The following NUP214 variants were observed in gnomAD, a reference collection of about 807,000 sequenced individuals.
The protein encoded by NUP214 is nuclear pore complex protein Nup214.
Under a neutral mutation model 196.2 loss-of-function variants are expected in NUP214, and 79 were observed. The observed-to-expected ratio is 0.40, with a 90% CI of 0.34 to 0.49. The LOEUF is 0.49. Among genes scored for constraint, NUP214 ranks in the 20% least tolerant of loss-of-function variants. The pLI is 0.58. For synonymous variants in NUP214, 1,020 were observed against 990.5 expected, an observed-to-expected ratio of 1.03 and a Z score of -0.56; for missense variants, 2,468 against 2,539.0, an observed-to-expected ratio of 0.97 and a Z score of 0.60.
Position 131,198,859 on chromosome 9 carries a change from T to C in NUP214, c.5365T>C (p.Ser1789Pro). The C allele has an allele frequency of 6.2e-7, 1 of 1,614,144 alleles. No homozygotes were observed. Residue 1789 changes from serine (S) to proline (P), a missense_variant, in exon 29 of 36, where the codon TCT becomes CCT. Around this residue, in one of 5 missense-constraint regions of NUP214, gnomAD observed 1,801 missense variants for 1,779.4 expected, o/e 1.01. Coordinates refer to ENST00000359428, the MANE Select transcript of NUP214 (RefSeq NM_005085.4). ...CTCCAGTTCCTTCTCATTTGGACAG[T>C]CTTCTCCCAACACAGGAGGGGGGCT... ...SSSSSFSFGQ[S>P]SPNTGGGLFG...
chr9:131,153,650 T>TA lies in NUP214; in HGVS notation c.2436+1758dup, dbSNP rs531162997. On this transcript the variant is annotated intron_variant, in intron 17 of 35. Transcript: ENST00000359428. ...GAATAATTTTCTTTTTTCATGGTGC[T>TA]AAGTAGATAATACTAGTTAGCATGT... Among the ~76,000 whole-genome samples the TA allele has an allele frequency of 1.6e-4, 24 of 152,344 alleles. No individual in the cohort carries two copies. The South Asian group carries it at 4.1e-3, about 26-fold the overall frequency.
At chr9:131,127,472 G>A (rs1831397603) in intron 1 of NUP214, 52 bp from the exon 2 acceptor site, 1 of 1,459,106 alleles carries the variant, frequency 6.9e-7, no homozygotes. Flanking sequence ...AATATAACAT[G>A]TTTTAATTTC....
chr9:131,171,547 C>CT lies in NUP214; in HGVS notation c.2894-2490dup, dbSNP rs11334591. Among the ~76,000 whole-genome samples, 183 of 127,346 alleles carry CT rather than the reference C, an allele frequency of 1.4e-3. 1 individual carries two copies. Among genetic ancestry groups the CT allele is most frequent in the Middle Eastern group, 8.3e-3 (2 of 242 alleles). The allele number at this position is 127,346 out of a possible 152,430, so 83.5% of individuals were successfully genotyped here. On this transcript the variant is annotated intron_variant, in intron 21 of 35. Transcript: ENST00000359428. ...AGTTGTTATCTCACAGGAAGATTTTCTTTTTTTTTTTTTTTTTTGTTATAC... is the reference window on the plus strand; with the variant it reads ...AGTTGTTATCTCACAGGAAGATTTTCTTTTTTTTTTTTTTTTTTTGTTATAC...
chr9:131,174,058 G>A lies in NUP214; in HGVS notation c.2897G>A (p.Ser966Asn), dbSNP rs985268716. The change falls in exon 22 of 36, where the codon AGC becomes AAC. Residue 966 changes from serine (S) to asparagine (N), a missense_variant. Around this residue, in one of 5 missense-constraint regions of NUP214, gnomAD observed 1,801 missense variants for 1,779.4 expected, o/e 1.01. Transcript: ENST00000359428. Reference sequence around the variant, plus strand: ...GTTTTGTTTGGGGCTTTTGTAGCCAGCCTGTCTCGATCAGCCTTTCTGTCT... The same window carrying A: ...GTTTTGTTTGGGGCTTTTGTAGCCAACCTGTCTCGATCAGCCTTTCTGTCT... ...TPPVRSTAPA[S>N]LSRSAFLSQR... 14 of 1,612,326 alleles carry A rather than the reference G, an allele frequency of 8.7e-6. No individual in the cohort carries two copies. Among genetic ancestry groups the A allele is most frequent in the Non-Finnish European group, 1.2e-5 (14 of 1,179,530 alleles).
chr9:131,144,534 C>T lies in NUP214; in HGVS notation c.1549C>T (p.Pro517Ser), dbSNP rs202048554. The change falls in exon 12 of 36, where the codon CCA becomes TCA. Residue 517 changes from proline to serine, a missense_variant. By Grantham distance (74) the Pro-to-Ser change is moderately conservative. This residue lies in a region of NUP214 where 1,801 missense variants were observed against 1,779.4 expected (regional missense o/e 1.01). Transcript: ENST00000359428. ...DSSKAAPGPG[P>S]STFSFVPPSK... ...CTCCAAAGCAGCCCCAGGCCCTGGC[C>T]CATCAACCTTCTCTTTTGTTCCCCC... 3.1e-5 allele frequency: 50 copies of T among 1,614,124 alleles called. No individual in the cohort carries two copies. Among genetic ancestry groups the T allele is most frequent in the Non-Finnish European group, 3.8e-5 (45 of 1,179,988 alleles).
chr9:131,211,652 T>TA (rs1834243421), intron 30 of NUP214, among the ~76,000 whole-genome samples: 1 of 152,226 alleles, frequency 6.6e-6, no homozygotes, highest in Non-Finnish European at 1.5e-5. Context: ...TGTAATTTCT[T>TA]ACGCCTGTCT....
At chr9:131,206,013 G>A (rs544471198) in intron 30 of NUP214, among the ~76,000 whole-genome samples, 4 of 151,974 alleles carry the variant, frequency 2.6e-5, no homozygotes, top group Admixed American at 6.6e-5. Context: ...ATTCGTGCAC[G>A]TATGTATCAG....
chr9:131,227,117 G>A (rs1190084540), intron 32 of NUP214, among the ~76,000 whole-genome samples: 1 of 152,226 alleles, frequency 6.6e-6, no homozygotes, highest in Non-Finnish European at 1.5e-5. Flanking sequence ...CTCACTGAGT[G>A]TCTATTCTAA....
chr9:131,168,772 CAT>C (rs1171852691), intron 21 of NUP214, among the ~76,000 whole-genome samples: 3 of 152,088 alleles, frequency 2.0e-5, no homozygotes, highest in African/African-American at 2.4e-5. Context: ...AGGTATGGCT[CAT>C]GTGTCATTTT....
At chr9:131,201,385 G>A (rs755319367) in intron 29 of NUP214, among the ~76,000 whole-genome samples, 57 of 151,190 alleles carry the variant, frequency 3.8e-4, no homozygotes, top group African/African-American at 1.3e-3. Flanking sequence ...CAGCCTGGGC[G>A]ACAGAGCAAG....
At chr9:131,230,845 T>G in intron 34 of NUP214, 76 bp downstream of exon 34, 1 of 1,493,382 alleles carries the variant, frequency 6.7e-7, no homozygotes, top group Non-Finnish European at 9.1e-7. Context: ...ATGAGTATGT[T>G]TTACCTGACC....
At chr9:131,227,475 A>T (rs1425102960) in intron 32 of NUP214, among the ~76,000 whole-genome samples, 1 of 152,040 alleles carries the variant, frequency 6.6e-6, no homozygotes, top group Non-Finnish European at 1.5e-5. Flanking sequence ...GCAGGAAAAA[A>T]GCATTTAAAA....
chr9:131,233,512 C>A lies in NUP214; in HGVS notation c.*25C>A. The A allele has an allele frequency of 6.2e-7, 1 of 1,613,482 alleles. No homozygotes were observed. Among genetic ancestry groups the A allele is most frequent in the South Asian group, 1.1e-5 (1 of 91,064 alleles). On this transcript the variant is annotated 3_prime_UTR_variant, in exon 36 of 36. Coordinates refer to ENST00000359428, the MANE Select transcript of NUP214 (RefSeq NM_005085.4). ...AGGGCGTGTCAGCAGGCCTTTCGATCCCTGGGACCAACCGCATCCTCAGCT... is the reference window on the plus strand; with the variant it reads ...AGGGCGTGTCAGCAGGCCTTTCGATACCTGGGACCAACCGCATCCTCAGCT...
intron 24 of NUP214, among the ~76,000 whole-genome samples, chr9:131,184,469 G>T (rs1244693202): frequency 6.6e-6 from 1 of 151,680 alleles, no homozygotes; most frequent in Non-Finnish European, 1.5e-5. Context: ...AAGTAGCTGG[G>T]ACTACAGGCA....
At chr9:131,221,207 C>G (rs1834546085) in intron 31 of NUP214, among the ~76,000 whole-genome samples, 1 of 152,178 alleles carries the variant, frequency 6.6e-6, no homozygotes, top group Admixed American at 6.5e-5. Context: ...TCAAGGGATA[C>G]ATTATCCTGT....
Position 131,174,288 on chromosome 9 carries a change from G to C in NUP214, c.3127G>C (p.Gly1043Arg). The change falls in exon 22 of 36, where the codon GGT (glycine) becomes CGT (arginine). Residue 1043 changes from glycine (G) to arginine (R), a missense_variant. Physicochemically the swap from Gly to Arg is moderately radical, Grantham distance 125 (BLOSUM62 -2). Coordinates refer to ENST00000359428, the MANE Select transcript of NUP214 (RefSeq NM_005085.4). Reference sequence around the variant, plus strand: ...TTTTGCTAAATCTCACCTGGTTCATGGTTCTTCACCTGGTGTGATGGGAAC... The same window carrying C: ...TTTTGCTAAATCTCACCTGGTTCATCGTTCTTCACCTGGTGTGATGGGAAC... The part of the protein sequence containing the change: ...APFAKSHLVH[G>R]SSPGVMGTSV... 1 of 1,613,472 alleles carries C rather than the reference G, an allele frequency of 6.2e-7. No homozygotes were observed. Among genetic ancestry groups the C allele is most frequent in the Non-Finnish European group, 8.5e-7 (1 of 1,179,848 alleles).
intron 32 of NUP214, among the ~76,000 whole-genome samples, chr9:131,225,760 G>T (rs1409033357): frequency 6.6e-6 from 1 of 152,238 alleles, no homozygotes; most frequent in Non-Finnish European, 1.5e-5. Flanking sequence ...CTGCCTTCCT[G>T]TCCAGGCATC....
At position 131,195,023 on chromosome 9, in the gene NUP214, G is replaced by A. The variant is rs779944093; in HGVS notation, c.3660-210G>A. ...TGGGCTCTCAACTGCTATCCCTGTC[G>A]TATCTCACACACAAACTGCTTCTCT... is the stretch of plus-strand genomic sequence containing the variant. On this transcript the variant is annotated intron_variant, in intron 27 of 35. Transcript: ENST00000359428. Among the ~76,000 whole-genome samples the A allele has an allele frequency of 4.6e-5, 7 of 152,286 alleles. No individual in the cohort carries two copies. The South Asian group carries it at 6.2e-4, about 14-fold the overall frequency.
chr9:131,126,971 T>C (rs1159422788), intron 1 of NUP214: 2 of 152,204 alleles, frequency 1.3e-5, no homozygotes, highest in African/African-American at 4.8e-5. Context: ...ACCACAGACT[T>C]AGAAGATGGT....
Sources: allele counts gnomAD v4.1 joint callset (sites outside exome capture counted in the v4.1 genomes callset), GRCh38; gene constraint gnomAD v4.1.1; regional missense constraint gnomAD v4.1.1; transcripts MANE v1.5; gene names NCBI Gene and HGNC (gene_info 2026-07-23, HGNC 2026-07-21).